ZNF69: variants seen among roughly 807,000 people sequenced by gnomAD.
ZNF69 encodes the protein ZNF3.
ZNF69 carries 47 observed loss-of-function variants against 50.9 expected under a neutral mutation model. That is an observed-to-expected ratio of 0.92 (90% confidence interval 0.73 to 1.18). The LOEUF (loss-of-function observed/expected upper bound fraction) is 1.18. Among genes scored for constraint, ZNF69 ranks in the 50% most tolerant of loss-of-function variants. The pLI, the probability that ZNF69 is intolerant of heterozygous loss-of-function variation, is 0.00. For synonymous variants in ZNF69, 216 were observed against 223.1 expected, an observed-to-expected ratio of 0.97 and a Z score of 0.29; for missense variants, 717 against 675.1, an observed-to-expected ratio of 1.06 and a Z score of -0.69.
the ZNF69 span, among the ~76,000 whole-genome samples, chr19:11,972,043 C>G: frequency 1.4e-5 from 2 of 143,558 alleles, no homozygotes; most frequent in African/African-American, 2.6e-5. Flanking sequence ...GCCCAGGCAA[C>G]AAGAGCAAAA....
At chr19:11,964,558 A>T in the ZNF69 span, among the ~76,000 whole-genome samples, 2 of 152,136 alleles carry the variant, frequency 1.3e-5, no homozygotes, top group Admixed American at 6.5e-5. Flanking sequence ...CACTGTGAGG[A>T]GGGGATGGGG....
At chr19:11,907,576 G>C (rs941313062), downstream of ZNF69, among the ~76,000 whole-genome samples, 1 of 152,150 alleles carries the variant, frequency 6.6e-6, no homozygotes, top group African/African-American at 2.4e-5. Flanking sequence ...GCCATACTAA[G>C]CTTCATAAGT....
intron 1 of ZNF69, among the ~76,000 whole-genome samples, chr19:11,897,502 G>C (rs11672642): frequency 0.18 from 27,736 of 151,094 alleles, 3,397 homozygotes; most frequent in Non-Finnish European, 0.27. Flanking sequence ...TTGAGCCTAA[G>C]AGTTCGAGGC....
intron 1 of ZNF69, among the ~76,000 whole-genome samples, chr19:11,900,918 C>G (rs1665603022): frequency 6.6e-6 from 1 of 152,120 alleles, no homozygotes; most frequent in Admixed American, 6.5e-5. Context: ...TCTTGGTTTT[C>G]TCAGTGTTAC....
chr19:11,961,922 TACACAC>T, the ZNF69 span, among the ~76,000 whole-genome samples: 8,735 of 145,038 alleles, frequency 0.06, 393 homozygotes, highest in African/African-American at 0.13. Context: ...TGGCCTCTTT[TACACAC>T]ACACACACAC....
the ZNF69 span, among the ~76,000 whole-genome samples, chr19:11,944,123 T>C: frequency 1.4e-4 from 21 of 152,242 alleles, no homozygotes; most frequent in African/African-American, 5.1e-4. Flanking sequence ...CTGGGGAGAA[T>C]AAGCTAATGG....
the ZNF69 span, among the ~76,000 whole-genome samples, chr19:11,938,469 G>A: frequency 6.6e-6 from 1 of 152,136 alleles, no homozygotes. Flanking sequence ...CCACCTATGA[G>A]TGAGAATATG....
chr19:11,908,694 C>T (rs1170657447), downstream of ZNF69, among the ~76,000 whole-genome samples: 1 of 152,170 alleles, frequency 6.6e-6, no homozygotes, highest in Non-Finnish European at 1.5e-5. Context: ...AAATTTATAG[C>T]ACTAAATGCC....
At chr19:11,965,414 C>A in the ZNF69 span, among the ~76,000 whole-genome samples, 7 of 152,204 alleles carry the variant, frequency 4.6e-5, no homozygotes. Context: ...CCTGTCCTGT[C>A]CCTGCGCGGT....
intron 1 of ZNF69, among the ~76,000 whole-genome samples, chr19:11,902,567 A>G (rs765002890): frequency 1.3e-5 from 2 of 151,364 alleles, no homozygotes; most frequent in African/African-American, 2.4e-5. Context: ...TAACTGCAAA[A>G]TGAATGATTC....
At chr19:11,943,480 G>C in the ZNF69 span, among the ~76,000 whole-genome samples, 1 of 152,100 alleles carries the variant, frequency 6.6e-6, no homozygotes, top group South Asian at 2.1e-4. Context: ...CATGTAAATG[G>C]GGGTCTCTTT....
At chr19:11,938,200 CAG>C in the ZNF69 span, among the ~76,000 whole-genome samples, 1 of 152,122 alleles carries the variant, frequency 6.6e-6, no homozygotes, top group Non-Finnish European at 1.5e-5. Flanking sequence ...TCCCAAGTAA[CAG>C]GGACTACAGG....
At chr19:11,952,919 C>T in the ZNF69 span, 1 of 152,106 alleles carries the variant, frequency 6.6e-6, no homozygotes, top group Non-Finnish European at 1.5e-5. Flanking sequence ...ACTAAAAATA[C>T]AAAAATTAGC....
chr19:11,956,042 T>C, the ZNF69 span, among the ~76,000 whole-genome samples: 1 of 152,202 alleles, frequency 6.6e-6, no homozygotes, highest in African/African-American at 2.4e-5. Context: ...GCTCCCACTC[T>C]TAACTGGAGA....
At chr19:11,894,942 A>G (rs1368725997) in intron 1 of ZNF69, among the ~76,000 whole-genome samples, 2 of 152,216 alleles carry the variant, frequency 1.3e-5, no homozygotes, top group Non-Finnish European at 2.9e-5. Context: ...AAATCAGAAT[A>G]TGAAATTGAG....
chr19:11,931,165 G>C, the ZNF69 span, among the ~76,000 whole-genome samples: 6 of 148,182 alleles, frequency 4.0e-5, no homozygotes, highest in East Asian at 1.2e-3. Context: ...ATCTTGGGCT[G>C]CTATATCAAA....
At chr19:11,944,815 G>A in the ZNF69 span, among the ~76,000 whole-genome samples, 9 of 152,170 alleles carry the variant, frequency 5.9e-5, no homozygotes, top group Non-Finnish European at 1.3e-4. Flanking sequence ...TTTCAGCAAG[G>A]GCTGATAAAT....
At chr19:11,890,105 C>G (rs1214224672) in intron 1 of ZNF69, among the ~76,000 whole-genome samples, 3 of 152,176 alleles carry the variant, frequency 2.0e-5, no homozygotes, top group Non-Finnish European at 2.9e-5. Flanking sequence ...TTCCCCGGAA[C>G]GAGCAGGAGA....
intron 1 of ZNF69, among the ~76,000 whole-genome samples, chr19:11,896,370 A>G (rs561627648): frequency 6.6e-6 from 1 of 151,866 alleles, no homozygotes; most frequent in African/African-American, 2.4e-5. Flanking sequence ...TTGCCTGTCT[A>G]TCTTAGTCAT....
Sources: gnomAD v4.1 joint callset for allele counts (sites outside exome capture counted in the v4.1 genomes callset) on GRCh38, gnomAD v4.1.1 for gene constraint, MANE v1.5 for transcripts, NCBI Gene and HGNC (gene_info 2026-07-23, HGNC 2026-07-21) for gene names.